The following RERE variants were observed in gnomAD, a reference collection of about 807,000 sequenced individuals.
The protein encoded by RERE is arginine-glutamic acid dipeptide repeats protein.
Under a neutral mutation model 146.1 loss-of-function variants are expected in RERE, and 40 were observed. The observed-to-expected ratio is 0.27, with a 90% CI of 0.21 to 0.36. RERE has a LOEUF of 0.36. Ranked by LOEUF, RERE falls within the 10% of genes least tolerant of loss-of-function variation. The pLI, the probability that RERE is intolerant of heterozygous loss-of-function variation, is 1.00. For synonymous variants in RERE, 1,003 were observed against 866.0 expected (o/e 1.16, Z -2.78); for missense variants, 1,933 against 2,138.7 (o/e 0.90, Z 1.90).
At position 8,805,007 on chromosome 1, in the gene RERE, G is replaced by GTTTTTTTTTTTTTTTTTTTTTTTTT. The variant is rs1557553356; in HGVS notation, c.-145+12152_-145+12153insAAAAAAAAAAAAAAAAAAAAAAAAA. On this transcript the variant is annotated intron_variant, in intron 1 of 22. Coordinates refer to ENST00000400908, the MANE Select transcript of RERE (RefSeq NM_001042681.2). ...ATTTTTTTTGTTTTGTTTTGTTTTT[G>GTTTTTTTTTTTTTTTTTTTTTTTTT]GTTTTTTTTTTTTTTTTTTTTGAGA... is the stretch of plus-strand genomic sequence containing the variant. Among the ~76,000 whole-genome samples, 14 of 61,354 alleles carry GTTTTTTTTTTTTTTTTTTTTTTTTT rather than the reference G, an allele frequency of 2.3e-4. 1 individual carries two copies. Among genetic ancestry groups the GTTTTTTTTTTTTTTTTTTTTTTTTT allele is most frequent in the East Asian group, 8.6e-4 (1 of 1,158 alleles). The allele number at this position is 61,354 out of a possible 152,430, so 40.3% of individuals were successfully genotyped here. A position where few individuals can be genotyped will look rare whatever the true frequency, so the allele number is the denominator to read the frequency against.
intron 11 of RERE, among the ~76,000 whole-genome samples, chr1:8,437,939 A>C (rs1401771716): frequency 7.1e-6 from 1 of 141,776 alleles, no homozygotes; most frequent in African/African-American, 2.7e-5. Context: ...TTGAGATGCT[A>C]TGAAGGAGAA....
chr1:8,683,119 T>C (rs999799114), intron 1 of RERE, among the ~76,000 whole-genome samples: 1 of 150,924 alleles, frequency 6.6e-6, no homozygotes, highest in Admixed American at 6.6e-5. Context: ...ATAACAAATG[T>C]TACAAATTAT....
At chr1:8,749,261 T>C (rs1357312573) in intron 1 of RERE, among the ~76,000 whole-genome samples, 2 of 152,224 alleles carry the variant, frequency 1.3e-5, no homozygotes, top group African/African-American at 2.4e-5. Flanking sequence ...AAGGAGATCA[T>C]TGTGAGCTTA....
intron 10 of RERE, among the ~76,000 whole-genome samples, chr1:8,488,483 C>A (rs1251291863): frequency 6.6e-6 from 1 of 152,072 alleles, no homozygotes; most frequent in African/African-American, 2.4e-5. Context: ...TGACCTCAGG[C>A]GATCCGCTCA....
chr1:8,725,890 A>C (rs1346495660), intron 1 of RERE, among the ~76,000 whole-genome samples: 1 of 152,152 alleles, frequency 6.6e-6, no homozygotes, highest in African/African-American at 2.4e-5. Flanking sequence ...ATTAACACAG[A>C]CATTCACAAA....
chr1:8,381,793 G>A (rs1393058963), intron 12 of RERE, among the ~76,000 whole-genome samples: 1 of 152,180 alleles, frequency 6.6e-6, no homozygotes, highest in Non-Finnish European at 1.5e-5. Flanking sequence ...GCACTAATGT[G>A]CGCTTGGAAT....
At chr1:8,487,826 C>A (rs530804680) in intron 10 of RERE, among the ~76,000 whole-genome samples, 1 of 152,152 alleles carries the variant, frequency 6.6e-6, no homozygotes, top group South Asian at 2.1e-4. Flanking sequence ...TGTTTCTATG[C>A]TATCGAAGAC....
intron 11 of RERE, among the ~76,000 whole-genome samples, chr1:8,425,397 A>C (rs1643997162): frequency 6.6e-6 from 1 of 152,200 alleles, no homozygotes; most frequent in South Asian, 2.1e-4. Flanking sequence ...GGTGCAGCTC[A>C]TCAGTGCAGC....
chr1:8,503,093 AATAAATAAATAAAT>A (rs1557662570), intron 8 of RERE, among the ~76,000 whole-genome samples: 5 of 143,874 alleles, frequency 3.5e-5, no homozygotes, highest in African/African-American at 1.3e-4. Context: ...ATTAAAAATA[AATAAATAAATAAAT>A]AAATAAATAA....
At chr1:8,698,439 C>G (rs1639379757) in intron 1 of RERE, among the ~76,000 whole-genome samples, 1 of 152,200 alleles carries the variant, frequency 6.6e-6, no homozygotes, top group Admixed American at 6.5e-5. Flanking sequence ...CACAGCAGCA[C>G]ACACCATCTG....
intron 7 of RERE, among the ~76,000 whole-genome samples, chr1:8,525,570 C>T (rs940085189): frequency 6.6e-6 from 1 of 152,248 alleles, no homozygotes; most frequent in Non-Finnish European, 1.5e-5. Context: ...GAATGCCTCT[C>T]CGGTAGTCCC....
intron 1 of RERE, among the ~76,000 whole-genome samples, chr1:8,734,678 T>C (rs1327096054): frequency 6.6e-6 from 1 of 152,214 alleles, no homozygotes; most frequent in Non-Finnish European, 1.5e-5. Context: ...TAAAAAACAC[T>C]TAAAAGAGGA....
intron 2 of RERE, among the ~76,000 whole-genome samples, chr1:8,627,187 T>C (rs1041487413): frequency 6.6e-6 from 1 of 152,112 alleles, no homozygotes; most frequent in African/African-American, 2.4e-5. Context: ...TACATAACAT[T>C]AACAATTTAC....
chr1:8,578,276 T>C (rs1366447378), intron 4 of RERE, among the ~76,000 whole-genome samples: 2 of 152,134 alleles, frequency 1.3e-5, no homozygotes, highest in Non-Finnish European at 2.9e-5. Context: ...GGCAGCAAAG[T>C]GCTGACAAAG....
At chr1:8,463,478 G>A (rs1029387354) in intron 11 of RERE, among the ~76,000 whole-genome samples, 2 of 152,156 alleles carry the variant, frequency 1.3e-5, no homozygotes, top group Non-Finnish European at 2.9e-5. Context: ...AGCTCACAGC[G>A]ACAAATCCTC....
At chr1:8,355,744 A>G (rs928692207) in intron 21 of RERE, 145 bp from the exon 22 acceptor site, 1 of 731,626 alleles carries the variant, frequency 1.4e-6, no homozygotes, top group Non-Finnish European at 2.1e-6. Flanking sequence ...CTCTGCAGAC[A>G]GCCAGAGGGC....
At chr1:8,749,697 T>A (rs1229367734) in intron 1 of RERE, among the ~76,000 whole-genome samples, 1 of 152,168 alleles carries the variant, frequency 6.6e-6, no homozygotes, top group African/African-American at 2.4e-5. Context: ...CAGAGTTATA[T>A]CAGAGACTCA....
intron 4 of RERE, among the ~76,000 whole-genome samples, chr1:8,607,936 G>T (rs993582836): frequency 7.2e-5 from 11 of 152,084 alleles, no homozygotes; most frequent in Admixed American, 4.6e-4. Context: ...ATGTTGGCCA[G>T]GTTGGCCTCG....
chr1:8,558,870 A>T (rs1303101331), intron 4 of RERE, among the ~76,000 whole-genome samples: 1 of 146,116 alleles, frequency 6.8e-6, no homozygotes, highest in Non-Finnish European at 1.5e-5. Context: ...ATCTCGGCTC[A>T]CTGCAACCTC....
Sources: allele counts gnomAD v4.1 joint callset (sites outside exome capture counted in the v4.1 genomes callset), GRCh38; gene constraint gnomAD v4.1.1; transcripts MANE v1.5; gene names NCBI Gene and HGNC (gene_info 2026-07-23, HGNC 2026-07-21).